Variants in LINGO2 observed in about 807,000 individuals in gnomAD.
LINGO2 encodes leucine rich repeat and Ig domain containing 2, also known as leucine-rich repeat and immunoglobulin-like domain-containing nogo receptor-interacting protein 2.
A neutral mutation model predicts 30.6 loss-of-function variants in LINGO2; 14 were observed. The observed-to-expected ratio is 0.46, with a 90% CI of 0.30 to 0.72. LINGO2 has a LOEUF of 0.72. LINGO2 is among the 30% of genes least tolerant of loss of function. LINGO2 has a pLI of 0.07. For synonymous variants in LINGO2, 317 were observed against 288.5 expected (o/e 1.10, Z -1.00); for missense variants, 729 against 751.7 (o/e 0.97, Z 0.35).
At chr9:28,923,625 G>A in the LINGO2 span, among the ~76,000 whole-genome samples, 1 of 77,890 alleles carries the variant, frequency 1.3e-5, no homozygotes, top group African/African-American at 4.2e-5. Context: ...CAACAGGATG[G>A]GAATAGGCCA....
chr9:28,051,835 T>TA (rs1224875725), intron 4 of LINGO2, among the ~76,000 whole-genome samples: 6 of 151,714 alleles, frequency 4.0e-5, no homozygotes, highest in East Asian at 1.9e-4. Flanking sequence ...AAATCCAAAT[T>TA]AAAAAAACAG....
At chr9:28,438,766 T>A (rs950612354) in intron 2 of LINGO2, among the ~76,000 whole-genome samples, 2 of 150,114 alleles carry the variant, frequency 1.3e-5, no homozygotes, top group African/African-American at 4.9e-5. Context: ...TGTCTTAAAT[T>A]TCAGAAAGCC....
intron 2 of LINGO2, among the ~76,000 whole-genome samples, chr9:28,396,374 T>A (rs1185879520): frequency 6.6e-6 from 1 of 152,166 alleles, no homozygotes; most frequent in South Asian, 2.1e-4. Context: ...GTGTGATACT[T>A]GGAGTTGACA....
At chr9:28,901,530 A>C in the LINGO2 span, among the ~76,000 whole-genome samples, 1 of 152,090 alleles carries the variant, frequency 6.6e-6, no homozygotes, top group African/African-American at 2.4e-5. Flanking sequence ...ACAAATTAAA[A>C]AAAGATGTAA....
chr9:28,317,891 C>G (rs568745820), intron 3 of LINGO2, among the ~76,000 whole-genome samples: 1 of 152,234 alleles, frequency 6.6e-6, no homozygotes, highest in South Asian at 2.1e-4. Flanking sequence ...CCAGTCAAAC[C>G]CAGTCCCTGC....
the LINGO2 span, among the ~76,000 whole-genome samples, chr9:29,059,416 A>AAAATAAAT: frequency 2.7e-4 from 40 of 150,362 alleles, no homozygotes; most frequent in East Asian, 2.1e-3. Flanking sequence ...TTAAAATTAA[A>AAAATAAAT]AAATAAATAA....
At chr9:27,994,566 C>T (rs1437186483) in intron 5 of LINGO2, among the ~76,000 whole-genome samples, 1 of 152,052 alleles carries the variant, frequency 6.6e-6, no homozygotes, top group Non-Finnish European at 1.5e-5. Flanking sequence ...AAAGGAACAC[C>T]CATTAAGAAG....
chr9:28,554,181 C>G (rs1822497103), intron 1 of LINGO2, among the ~76,000 whole-genome samples: 1 of 151,660 alleles, frequency 6.6e-6, no homozygotes, highest in Non-Finnish European at 1.5e-5. Flanking sequence ...ACTAAATGCT[C>G]CAATTAAAAG....
At chr9:28,227,459 C>T (rs962486083) in intron 4 of LINGO2, among the ~76,000 whole-genome samples, 1 of 152,040 alleles carries the variant, frequency 6.6e-6, no homozygotes, top group Non-Finnish European at 1.5e-5. Context: ...TGGTAAATTA[C>T]ACAATTAGTT....
At chr9:28,022,905 A>G (rs969035004) in intron 4 of LINGO2, among the ~76,000 whole-genome samples, 9 of 151,756 alleles carry the variant, frequency 5.9e-5, no homozygotes, top group African/African-American at 1.5e-4. Flanking sequence ...GGAGGCTTCT[A>G]TTGTGACTTA....
At chr9:28,878,384 T>A in the LINGO2 span, among the ~76,000 whole-genome samples, 1 of 152,116 alleles carries the variant, frequency 6.6e-6, no homozygotes, top group Admixed American at 6.6e-5. Context: ...ACTAGATGGA[T>A]TCACAGCCGA....
intron 4 of LINGO2, among the ~76,000 whole-genome samples, chr9:28,242,227 C>T (rs1198532927): frequency 6.6e-6 from 1 of 151,980 alleles, no homozygotes. Context: ...AGAACCTTGA[C>T]AAAATGTTAG....
At chr9:28,418,760 C>A (rs1264988371) in intron 2 of LINGO2, among the ~76,000 whole-genome samples, 1 of 152,024 alleles carries the variant, frequency 6.6e-6, no homozygotes, top group South Asian at 2.1e-4. Flanking sequence ...TATAAGGGAA[C>A]TTTCTTGATT....
the LINGO2 span, among the ~76,000 whole-genome samples, chr9:28,877,647 G>T: frequency 5.9e-5 from 9 of 152,006 alleles, no homozygotes; most frequent in Non-Finnish European, 1.0e-4. Context: ...CTGTTTTGGT[G>T]ACTGTAGCCT....
intron 1 of LINGO2, among the ~76,000 whole-genome samples, chr9:28,560,738 C>T (rs1211060749): frequency 6.6e-6 from 1 of 151,934 alleles, no homozygotes; most frequent in Non-Finnish European, 1.5e-5. Flanking sequence ...GCAATCTTGG[C>T]TCACTGCATC....
At chr9:28,280,645 A>G (rs1311858116) in intron 4 of LINGO2, among the ~76,000 whole-genome samples, 2 of 152,108 alleles carry the variant, frequency 1.3e-5, no homozygotes, top group African/African-American at 2.4e-5. Context: ...AGTTGTGTGG[A>G]TATCAGTATA....
At chr9:28,068,679 TG>T (rs1278847982) in intron 4 of LINGO2, among the ~76,000 whole-genome samples, 1 of 152,178 alleles carries the variant, frequency 6.6e-6, no homozygotes, top group African/African-American at 2.4e-5. Context: ...AAAACAATCC[TG>T]TAAGATAAGT....
At chr9:28,516,517 A>G (rs1184221169) in intron 1 of LINGO2, among the ~76,000 whole-genome samples, 1 of 152,036 alleles carries the variant, frequency 6.6e-6, no homozygotes, top group Non-Finnish European at 1.5e-5. Context: ...GGGTGTGATG[A>G]CTCCACTTCT....
chr9:28,552,635 C>T (rs1587846433), intron 1 of LINGO2, among the ~76,000 whole-genome samples: 1 of 150,490 alleles, frequency 6.6e-6, no homozygotes. Flanking sequence ...ATTCTGGGAA[C>T]TTTTTATGAT....
Sources: gnomAD v4.1 joint callset for allele counts (sites outside exome capture counted in the v4.1 genomes callset) on GRCh38, gnomAD v4.1.1 for gene constraint, MANE v1.5 for transcripts, NCBI Gene and HGNC (gene_info 2026-07-23, HGNC 2026-07-21) for gene names.